PLXNA4: variants seen among roughly 807,000 people sequenced by gnomAD.
The protein encoded by PLXNA4 is plexin-A4.
PLXNA4 carries 44 observed loss-of-function variants against 191.8 expected under a neutral mutation model. That is an observed-to-expected ratio of 0.23 (90% CI 0.18 to 0.29). PLXNA4 has a LOEUF of 0.29. Ranked by LOEUF, PLXNA4 falls within the 10% of genes least tolerant of loss-of-function variation. PLXNA4 has a pLI of 1.00. For synonymous variants in PLXNA4, 1,082 were observed against 1,009.5 expected (o/e 1.07, Z -1.36); for missense variants, 1,800 against 2,488.8 (o/e 0.72, Z 5.89).
At chr7:132,450,278 C>T (rs71534257) in intron 3 of PLXNA4, among the ~76,000 whole-genome samples, 4,309 of 152,218 alleles carry the variant, frequency 0.028, 82 homozygotes, top group Non-Finnish European at 0.044. Context: ...ACATCAAAAC[C>T]CTGGCCTCTA....
At chr7:132,504,226 C>T (rs1262559738) in intron 2 of PLXNA4, among the ~76,000 whole-genome samples, 4 of 152,262 alleles carry the variant, frequency 2.6e-5, no homozygotes, top group African/African-American at 7.2e-5. Flanking sequence ...AAGACTTTTC[C>T]CTCTGTGCGG....
intron 4 of PLXNA4, among the ~76,000 whole-genome samples, chr7:132,248,642 T>G (rs1445697243): frequency 6.6e-6 from 1 of 152,172 alleles, no homozygotes; most frequent in Non-Finnish European, 1.5e-5. Context: ...ACGTGATAAA[T>G]GGCCCTTCTC....
intron 3 of PLXNA4, among the ~76,000 whole-genome samples, chr7:132,386,162 A>C (rs562462538): frequency 1.3e-5 from 2 of 152,312 alleles, no homozygotes; most frequent in African/African-American, 2.4e-5. Context: ...TGAAACAAGC[A>C]CCAGAGGTGG....
chr7:132,255,172 C>A (rs1052528375), intron 4 of PLXNA4, among the ~76,000 whole-genome samples: 1 of 152,160 alleles, frequency 6.6e-6, no homozygotes, highest in African/African-American at 2.4e-5. Context: ...GGAGGGGCAG[C>A]AGATAGGTGG....
chr7:132,641,410 T>C (rs10227902), intron 2 of PLXNA4, among the ~76,000 whole-genome samples: 4 of 152,148 alleles, frequency 2.6e-5, no homozygotes, highest in African/African-American at 9.7e-5. Context: ...TGCTCACACA[T>C]CCCTTGTGTC....
At chr7:132,459,047 A>C (rs532655866) in intron 3 of PLXNA4, among the ~76,000 whole-genome samples, 1 of 152,310 alleles carries the variant, frequency 6.6e-6, no homozygotes, top group South Asian at 2.1e-4. Flanking sequence ...GCAGCTTAGG[A>C]AGTATAAATA....
intron 3 of PLXNA4, among the ~76,000 whole-genome samples, chr7:132,401,916 G>A (rs897156806): frequency 4.6e-5 from 7 of 152,118 alleles, no homozygotes; most frequent in African/African-American, 1.7e-4. Context: ...AGCAAAAGAG[G>A]GGGAGGCTGG....
intron 3 of PLXNA4, among the ~76,000 whole-genome samples, chr7:132,344,669 G>C (rs1803172510): frequency 1.3e-5 from 2 of 152,060 alleles, no homozygotes; most frequent in African/African-American, 4.8e-5. Context: ...TACATGCAGG[G>C]TTTGATGCAG....
rs188389347 is a variant in PLXNA4 at position 132,262,386 on chromosome 7, C to A, written c.1504-21220G>T. On this transcript the variant is annotated intron_variant, in intron 4 of 31. Coordinates refer to ENST00000321063, the MANE Select transcript of PLXNA4 (RefSeq NM_020911.2). ...GGGCTGATGGATCGGAGCCCAGATGCTCTGAAACACATTGTGCTGGTTGTA... is the reference window on the plus strand; with the variant it reads ...GGGCTGATGGATCGGAGCCCAGATGATCTGAAACACATTGTGCTGGTTGTA... Among the ~76,000 whole-genome samples the A allele has an allele frequency of 7.2e-5, 11 of 152,308 alleles. No individual in the cohort carries two copies. The East Asian group carries it at 2.1e-3, about 29-fold the overall frequency.
chr7:132,612,048 T>C (rs1803057562), intron 2 of PLXNA4, among the ~76,000 whole-genome samples: 1 of 148,376 alleles, frequency 6.7e-6, no homozygotes, highest in Admixed American at 6.8e-5. Flanking sequence ...GCTCCTGCTA[T>C]TACACCATCT....
At chr7:132,177,121 G>A (rs1167060817) in intron 20 of PLXNA4, among the ~76,000 whole-genome samples, 2 of 151,912 alleles carry the variant, frequency 1.3e-5, no homozygotes, top group African/African-American at 2.4e-5. Context: ...GTGAAAGCAT[G>A]AGTGTGTGAG....
intron 3 of PLXNA4, among the ~76,000 whole-genome samples, chr7:132,472,831 G>A (rs953791499): frequency 7.2e-5 from 11 of 152,154 alleles, no homozygotes; most frequent in Non-Finnish European, 1.5e-4. Flanking sequence ...CGTGGCCAGC[G>A]GGGAACAGGC....
chr7:132,222,174 C>T (rs1798165396), intron 9 of PLXNA4, among the ~76,000 whole-genome samples: 1 of 152,198 alleles, frequency 6.6e-6, no homozygotes, highest in Admixed American at 6.5e-5. Context: ...AATCACCCTG[C>T]TTACTGTCCA....
At chr7:132,342,257 T>TA (rs1050892752) in intron 3 of PLXNA4, among the ~76,000 whole-genome samples, 14 of 146,700 alleles carry the variant, frequency 9.5e-5, no homozygotes, top group South Asian at 6.8e-4. Flanking sequence ...GGCAACTAGA[T>TA]AAAAAAAATA....
chr7:132,150,627 C>T (rs1795569138), intron 25 of PLXNA4, among the ~76,000 whole-genome samples: 1 of 152,236 alleles, frequency 6.6e-6, no homozygotes, highest in African/African-American at 2.4e-5. Flanking sequence ...CCAAGGGAGT[C>T]TCCTCCACTG....
chr7:132,435,003 T>G lies in PLXNA4; in HGVS notation c.1371+54289A>C, dbSNP rs530340278. On this transcript the variant is annotated intron_variant, in intron 3 of 31. Transcript: ENST00000321063. ...AGGGCTGAGATCCAAGTTCCCAGTCTGTTCCATCTCTCCCCAGCCCTTCTT... is the reference window on the plus strand; with the variant it reads ...AGGGCTGAGATCCAAGTTCCCAGTCGGTTCCATCTCTCCCCAGCCCTTCTT... Among the ~76,000 whole-genome samples the G allele has an allele frequency of 4.7e-4, 71 of 152,282 alleles. 1 individual carries two copies. Among genetic ancestry groups the G allele is most frequent in the Non-Finnish European group, 9.4e-4 (64 of 68,020 alleles).
chr7:132,407,257 G>A (rs2117071019), intron 3 of PLXNA4, among the ~76,000 whole-genome samples: 1 of 152,302 alleles, frequency 6.6e-6, no homozygotes, highest in South Asian at 2.1e-4. Context: ...CTGGGACTCG[G>A]AGGCCCTCTG....
chr7:132,227,224 T>C (rs966244142), intron 7 of PLXNA4, among the ~76,000 whole-genome samples: 1 of 152,184 alleles, frequency 6.6e-6, no homozygotes, highest in African/African-American at 2.4e-5. Context: ...AGGGTGACTC[T>C]TGGGGGCTAA....
chr7:132,642,975 A>G (rs1305956758), intron 2 of PLXNA4, among the ~76,000 whole-genome samples: 2 of 152,174 alleles, frequency 1.3e-5, no homozygotes, highest in African/African-American at 4.8e-5. Context: ...CTATTTCTTG[A>G]AGGATACACA....
Sources: gnomAD v4.1 joint callset for allele counts (sites outside exome capture counted in the v4.1 genomes callset) on GRCh38, gnomAD v4.1.1 for gene constraint, MANE v1.5 for transcripts, NCBI Gene and HGNC (gene_info 2026-07-23, HGNC 2026-07-21) for gene names.